Variants in GRAMD1B observed in about 807,000 individuals in gnomAD.
GRAMD1B encodes protein Aster-B.
A neutral mutation model predicts 99.7 loss-of-function variants in GRAMD1B; 37 were observed. The observed-to-expected ratio is 0.37, with a 90% CI of 0.29 to 0.49. GRAMD1B has a LOEUF of 0.49. Ranked by LOEUF, GRAMD1B falls within the 20% of genes least tolerant of loss-of-function variation. GRAMD1B has a pLI of 0.98. For synonymous variants in GRAMD1B, 427 were observed against 387.6 expected (o/e 1.10, Z -1.19); for missense variants, 888 against 1,009.2 (o/e 0.88, Z 1.63).
intron 2 of GRAMD1B, among the ~76,000 whole-genome samples, chr11:123,497,793 C>G (rs961196945): frequency 6.6e-6 from 1 of 151,066 alleles, no homozygotes; most frequent in Non-Finnish European, 1.5e-5. Flanking sequence ...CCCAGCTACT[C>G]AGGAGGCTGA....
intron 1 of GRAMD1B, among the ~76,000 whole-genome samples, chr11:123,403,121 C>T (rs1409296052): frequency 6.6e-6 from 1 of 152,044 alleles, no homozygotes; most frequent in African/African-American, 2.4e-5. Context: ...ATTCCTCTGG[C>T]TCTTAAATAA....
In GRAMD1B at chr11:123,510,431, C is replaced by T. The variant is rs1235311940; in HGVS notation, c.452+29538C>T. ...CAGGGGAGGTGCCCCCTGACTCAGC[C>T]TCCTGGGAGTCTGTGGAACACAGAC... is the stretch of plus-strand genomic sequence containing the variant. On this transcript the variant is annotated intron_variant, in intron 2 of 19. Transcript: ENST00000635736. The surrounding 1 kb of genome is among the most constrained non-coding windows in gnomAD (Gnocchi z 4.3). Among the ~76,000 whole-genome samples the T allele has an allele frequency of 1.3e-5, 2 of 152,204 alleles. No individual in the cohort carries two copies. Among genetic ancestry groups the T allele is most frequent in the African/African-American group, 4.8e-5 (2 of 41,468 alleles).
intron 2 of GRAMD1B, among the ~76,000 whole-genome samples, chr11:123,545,142 C>T (rs1944929013): frequency 6.6e-6 from 1 of 152,228 alleles, no homozygotes; most frequent in South Asian, 2.1e-4. Context: ...AGGGCAGCCG[C>T]CCCGGTGCGA....
chr11:123,551,309 T>C (rs1236653979), intron 2 of GRAMD1B, among the ~76,000 whole-genome samples: 1 of 152,072 alleles, frequency 6.6e-6, no homozygotes, highest in Non-Finnish European at 1.5e-5. Flanking sequence ...CTGTAACCCA[T>C]CAGCAGCTAT....
intron 2 of GRAMD1B, among the ~76,000 whole-genome samples, chr11:123,517,387 A>G (rs1011025535): frequency 1.8e-4 from 27 of 152,332 alleles, no homozygotes; most frequent in Middle Eastern, 3.4e-3. Flanking sequence ...TTCCTGTAGT[A>G]TATAGTGGTG....
intron 19 of GRAMD1B, among the ~76,000 whole-genome samples, chr11:123,621,880 TTTTC>T (rs1162304032): frequency 1.9e-4 from 28 of 150,126 alleles, no homozygotes; most frequent in Admixed American, 3.3e-4. Context: ...CTTTCTTTCT[TTTTC>T]TTTCTTTCTT....
chr11:123,572,897 A>T (rs1189779976), intron 2 of GRAMD1B, among the ~76,000 whole-genome samples: 1 of 150,794 alleles, frequency 6.6e-6, no homozygotes, highest in Non-Finnish European at 1.5e-5. Flanking sequence ...ACAGGGGCGC[A>T]GGTAGACCCC....
chr11:123,614,427 C>T (rs1481811194), intron 16 of GRAMD1B, among the ~76,000 whole-genome samples: 8 of 152,198 alleles, frequency 5.3e-5, no homozygotes, highest in Non-Finnish European at 8.8e-5. Context: ...AGAAGCCAGC[C>T]GTCTTTAGTC....
intron 1 of GRAMD1B, among the ~76,000 whole-genome samples, chr11:123,446,938 A>G (rs1001344475): frequency 6.6e-6 from 1 of 152,080 alleles, no homozygotes; most frequent in Non-Finnish European, 1.5e-5. Context: ...AAGGAAAGAA[A>G]GAAAAAGAAA....
chr11:123,437,983 A>G (rs533777193), intron 1 of GRAMD1B, among the ~76,000 whole-genome samples: 2 of 152,166 alleles, frequency 1.3e-5, no homozygotes, highest in African/African-American at 4.8e-5. Context: ...GAGAAAACTC[A>G]TGTCCTTCTT....
chr11:123,562,215 C>T (rs1040338130), intron 2 of GRAMD1B, among the ~76,000 whole-genome samples: 6 of 152,230 alleles, frequency 3.9e-5, no homozygotes, highest in African/African-American at 1.4e-4. Context: ...AAGCCTAAGA[C>T]TAAACACCTC....
intron 1 of GRAMD1B, among the ~76,000 whole-genome samples, chr11:123,466,435 GAAGAAAGAAAGAAAGAGA>G (rs1279702826): frequency 7.1e-6 from 1 of 141,104 alleles, no homozygotes; most frequent in East Asian, 2.0e-4. Flanking sequence ...AGAAAGAAAG[GAAGAAAGAAAGAAAGAGA>G]AAGAAAGAAA....
At chr11:123,548,323 T>TAC (rs1288714416) in intron 2 of GRAMD1B, among the ~76,000 whole-genome samples, 146 of 100,492 alleles carry the variant, frequency 1.5e-3, no homozygotes, top group Non-Finnish European at 2.0e-3. Flanking sequence ...TATATATATA[T>TAC]ATACACACAC....
intron 10 of GRAMD1B, 30 bp downstream of exon 10, chr11:123,605,508 C>T (rs1952591901): frequency 6.3e-7 from 1 of 1,578,356 alleles, no homozygotes; most frequent in Non-Finnish European, 8.6e-7. Flanking sequence ...GACTTCTACC[C>T]CCAGTCCTGT....
intron 2 of GRAMD1B, among the ~76,000 whole-genome samples, chr11:123,522,711 C>T (rs910629291): frequency 1.3e-5 from 2 of 152,148 alleles, no homozygotes; most frequent in Non-Finnish European, 2.9e-5. Flanking sequence ...AAGGGGAATT[C>T]GAGGCAGATG....
chr11:123,620,704 C>T (rs1021653681), intron 19 of GRAMD1B, among the ~76,000 whole-genome samples: 1 of 152,114 alleles, frequency 6.6e-6, no homozygotes, highest in Non-Finnish European at 1.5e-5. Context: ...AACAGGGTGG[C>T]CTTCAGACAC....
chr11:123,396,496 G>A (rs1018699830), intron 1 of GRAMD1B, among the ~76,000 whole-genome samples: 53 of 151,766 alleles, frequency 3.5e-4, no homozygotes, highest in African/African-American at 8.2e-4. Context: ...GGCTGATCTC[G>A]AACTCCTGAC....
chr11:123,370,337 C>CTT (rs1163332610), intron 1 of GRAMD1B, among the ~76,000 whole-genome samples: 8,544 of 102,802 alleles, frequency 0.083, 975 homozygotes, highest in African/African-American at 0.26. Context: ...GAAGTTATCT[C>CTT]TTTTTTTTTT....
At chr11:123,541,202 C>T in intron 2 of GRAMD1B, among the ~76,000 whole-genome samples, 1 of 152,124 alleles carries the variant, frequency 6.6e-6, no homozygotes. Context: ...TCTCAAACTC[C>T]TGACCTCAGG....
Sources: gnomAD v4.1 joint callset for allele counts (sites outside exome capture counted in the v4.1 genomes callset) on GRCh38, gnomAD v4.1.1 for gene constraint, Gnocchi (gnomAD v3.1) non-coding constraint, MANE v1.5 for transcripts, NCBI Gene and HGNC (gene_info 2026-07-23, HGNC 2026-07-21) for gene names.